Variants in ADGRL3 observed in about 807,000 individuals in gnomAD.
ADGRL3 encodes calcium-independent alpha-latrotoxin receptor 3.
In ADGRL3, 62 loss-of-function variants were observed where a neutral mutation model predicts 153.5. The observed-to-expected ratio is 0.40, with a 90% CI of 0.33 to 0.50. ADGRL3 has a LOEUF of 0.50. ADGRL3 is among the 20% of genes least tolerant of loss of function. ADGRL3 has a pLI of 0.47. For synonymous variants in ADGRL3, 710 were observed against 672.5 expected, an observed-to-expected ratio of 1.06 and a Z score of -0.86; for missense variants, 1,641 against 1,859.4, an observed-to-expected ratio of 0.88 and a Z score of 2.16.
At chr4:61,522,532 G>A (rs868601914) in intron 4 of ADGRL3, among the ~76,000 whole-genome samples, 5 of 152,110 alleles carry the variant, frequency 3.3e-5, no homozygotes, top group South Asian at 2.1e-4. Flanking sequence ...TTTTACGTAC[G>A]ATGATGTAAT....
At chr4:61,811,299 AAGG>A (rs1202931306) in intron 8 of ADGRL3, among the ~76,000 whole-genome samples, 1 of 152,140 alleles carries the variant, frequency 6.6e-6, no homozygotes, top group African/African-American at 2.4e-5. Flanking sequence ...ATTTAGGAAA[AAGG>A]AGTAAAGTAC....
chr4:61,775,883 TTTTATTTA>T (rs376527316), intron 8 of ADGRL3: 60 of 324,380 alleles, frequency 1.8e-4, no homozygotes, highest in African/African-American at 7.2e-4. Context: ...CGAATCTTGT[TTTTATTTA>T]TTTATTTATT....
intron 2 of ADGRL3, among the ~76,000 whole-genome samples, chr4:61,428,860 T>TC (rs1256989918): frequency 7.5e-6 from 1 of 133,048 alleles, no homozygotes; most frequent in African/African-American, 2.7e-5. Flanking sequence ...TCTATCTATC[T>TC]ATCTATCTAT....
intron 9 of ADGRL3, among the ~76,000 whole-genome samples, chr4:61,883,532 C>T (rs2098520415): frequency 6.6e-6 from 1 of 152,038 alleles, no homozygotes; most frequent in Admixed American, 6.5e-5. Context: ...ATTATTATCT[C>T]CATTTAGCAG....
chr4:61,800,373 G>A (rs1322424459), intron 8 of ADGRL3, among the ~76,000 whole-genome samples: 1 of 152,174 alleles, frequency 6.6e-6, no homozygotes, highest in Non-Finnish European at 1.5e-5. Context: ...AATGACTGCT[G>A]TTTTGAAGCA....
chr4:61,774,850 G>T (rs1267323564), intron 8 of ADGRL3, among the ~76,000 whole-genome samples: 1 of 152,226 alleles, frequency 6.6e-6, no homozygotes, highest in East Asian at 1.9e-4. Context: ...TGCTGCTATC[G>T]GTTGTTTCAG....
chr4:61,366,752 A>G (rs1465386536), intron 1 of ADGRL3, among the ~76,000 whole-genome samples: 1 of 152,172 alleles, frequency 6.6e-6, no homozygotes, highest in African/African-American at 2.4e-5. Context: ...TTGTGTTCCA[A>G]TTAAGTTAGT....
chr4:61,204,161 G>T (rs1037354866), intron 1 of ADGRL3, among the ~76,000 whole-genome samples: 1 of 152,036 alleles, frequency 6.6e-6, no homozygotes, highest in Non-Finnish European at 1.5e-5. Context: ...ATAATTTCTG[G>T]ATATCTTCAT....
intron 15 of ADGRL3, among the ~76,000 whole-genome samples, chr4:61,939,391 C>T (rs2098862599): frequency 6.6e-6 from 1 of 151,908 alleles, no homozygotes; most frequent in Admixed American, 6.6e-5. Flanking sequence ...TGTCTCTTAC[C>T]AGTCTTCTTA....
intron 18 of ADGRL3, 117 bp downstream of exon 18, chr4:61,979,889 A>G: frequency 1.1e-6 from 1 of 896,892 alleles, no homozygotes; most frequent in Non-Finnish European, 1.7e-6. Flanking sequence ...TCTAAGATAG[A>G]TACTAATTTT....
intron 1 of ADGRL3, among the ~76,000 whole-genome samples, chr4:61,269,879 A>G (rs1373125994): frequency 2.6e-5 from 4 of 151,640 alleles, no homozygotes; most frequent in Non-Finnish European, 5.9e-5. Flanking sequence ...TCTTTTACAA[A>G]TCATTTAGTT....
Position 61,892,932 on chromosome 4 carries a change from A to G in ADGRL3, c.1757A>G (p.Lys586Arg). The G allele has an allele frequency of 6.5e-7, 1 of 1,540,212 alleles. No individual in the cohort carries two copies. Among genetic ancestry groups the G allele is most frequent in the Non-Finnish European group, 8.7e-7 (1 of 1,148,280 alleles). Residue 586 changes from lysine to arginine, a missense_variant, in exon 10 of 27, where the codon AAG becomes AGG. Transcript: ENST00000683033. The part of the protein sequence containing the change: ...WFKTRQGQIA[K>R]QPCPAGTIGV... Reference sequence around the variant, plus strand: ...AAGACTCGTCAAGGACAGATAGCAAAGCAGCCATGCCCTGCAGGAACTATA... The same window carrying G: ...AAGACTCGTCAAGGACAGATAGCAAGGCAGCCATGCCCTGCAGGAACTATA...
At chr4:61,859,083 T>C (rs1581179384) in intron 9 of ADGRL3, among the ~76,000 whole-genome samples, 2 of 152,332 alleles carry the variant, frequency 1.3e-5, no homozygotes, top group South Asian at 4.1e-4. Flanking sequence ...AATATATGTG[T>C]ATATACTATC....
intron 11 of ADGRL3, 98 bp from the exon 12 acceptor site, chr4:61,909,462 C>G (rs888077426): frequency 2.9e-5 from 22 of 754,068 alleles, no homozygotes; most frequent in African/African-American, 5.4e-5. Flanking sequence ...TTTCTTGAAT[C>G]GATGATTACA....
intron 13 of ADGRL3, among the ~76,000 whole-genome samples, chr4:61,913,512 G>A (rs2098731661): frequency 6.6e-6 from 1 of 152,046 alleles, no homozygotes; most frequent in African/African-American, 2.4e-5. Flanking sequence ...TTTTAAAAAG[G>A]CCATCTGCAT....
chr4:61,262,835 T>G (rs1339114756), intron 1 of ADGRL3, among the ~76,000 whole-genome samples: 2 of 152,232 alleles, frequency 1.3e-5, no homozygotes, highest in Non-Finnish European at 2.9e-5. Flanking sequence ...ATTCTTATTT[T>G]TGTTATTTGA....
At chr4:61,696,062 G>T (rs2095637395) in intron 6 of ADGRL3, among the ~76,000 whole-genome samples, 1 of 152,124 alleles carries the variant, frequency 6.6e-6, no homozygotes, top group African/African-American at 2.4e-5. Context: ...TATCCAAACT[G>T]CTGAAACTTT....
At chr4:61,590,559 C>G (rs537410481) in intron 5 of ADGRL3, among the ~76,000 whole-genome samples, 1 of 151,998 alleles carries the variant, frequency 6.6e-6, no homozygotes, top group East Asian at 1.9e-4. Context: ...TGCAGTTTAC[C>G]ATAACAGTTA....
intron 4 of ADGRL3, among the ~76,000 whole-genome samples, chr4:61,549,198 T>G (rs1259122452): frequency 6.6e-6 from 1 of 152,128 alleles, no homozygotes; most frequent in East Asian, 1.9e-4. Context: ...TCCTGAGACT[T>G]TGCTGAAGTT....
Sources: allele counts gnomAD v4.1 joint callset (sites outside exome capture counted in the v4.1 genomes callset), GRCh38; gene constraint gnomAD v4.1.1; transcripts MANE v1.5; gene names NCBI Gene and HGNC (gene_info 2026-07-23, HGNC 2026-07-21).